DCAF1: variants seen among roughly 807,000 people sequenced by gnomAD.
The protein encoded by DCAF1 is DDB1- and CUL4-associated factor 1.
A neutral mutation model predicts 128.0 loss-of-function variants in DCAF1; 15 were observed. The observed-to-expected ratio is 0.12, with a 90% CI of 0.08 to 0.18. DCAF1 has a LOEUF of 0.18. Ranked by LOEUF, DCAF1 falls within the 10% of genes least tolerant of loss-of-function variation. DCAF1 has a pLI of 1.00. For synonymous variants in DCAF1, 610 were observed against 603.0 expected (o/e 1.01, Z -0.17); for missense variants, 988 against 1,649.5 (o/e 0.60, Z 6.95).
chr3:51,483,303 G>A (rs1706482268), intron 3 of DCAF1, among the ~76,000 whole-genome samples: 2 of 151,706 alleles, frequency 1.3e-5, no homozygotes. Context: ...AGCCGGGCAT[G>A]GTGGTGGGAG....
Position 51,412,924 on chromosome 3 carries a change from T to C in DCAF1, c.4110+69A>G, listed in dbSNP as rs1045797069. Reference sequence around the variant, plus strand: ...TACATCTTATATCAGACAAAATGTCTGTAGTACAACTTGAAAATTATCCTA... The same window carrying C: ...TACATCTTATATCAGACAAAATGTCCGTAGTACAACTTGAAAATTATCCTA... On this transcript the variant is annotated intron_variant, in intron 22 of 24. Transcript: ENST00000684031. 1.3e-5 allele frequency: 21 copies of C among 1,590,012 alleles called. No homozygotes were observed. In the East Asian group the frequency reaches 4.7e-4, roughly 36 times the overall value.
downstream of DCAF1, chr3:51,397,642 A>T (rs538194081): frequency 1.2e-5 from 2 of 166,986 alleles, no homozygotes; most frequent in South Asian, 4.2e-4. Context: ...TACCCTTACA[A>T]AAACAGGCCC....
intron 9 of DCAF1, among the ~76,000 whole-genome samples, chr3:51,435,918 G>A (rs950934575): frequency 2.6e-5 from 4 of 152,138 alleles, no homozygotes; most frequent in South Asian, 2.1e-4. Flanking sequence ...TAAGCAGTTC[G>A]GCAAAGGGAA....
In DCAF1 at chr3:51,413,436, C is replaced by T. The variant is rs782167855; in HGVS notation, c.3932-50G>A. The T allele has an allele frequency of 2.4e-5, 38 of 1,574,054 alleles. No homozygotes were observed. The African/African-American group carries it at 4.7e-4, about 20-fold the overall frequency. ...CACTATTAGGAATCACAAACATCCC[C>T]TCTTCACAAGTGCAGAAAATGTTAA... On this transcript the variant is annotated intron_variant, in intron 20 of 24. Coordinates refer to ENST00000684031, the MANE Select transcript of DCAF1 (RefSeq NM_001387579.1).
rs1553644696 is a variant in DCAF1 at position 51,461,986 on chromosome 3, A to G, written c.375+1128T>C. ...TAAATGTCGAGTTAATGGGTGCAGC[A>G]CACCAACATGGCACATGTATACATA... On this transcript the variant is annotated intron_variant, in intron 6 of 24. Coordinates refer to ENST00000684031, the MANE Select transcript of DCAF1 (RefSeq NM_001387579.1). Among the ~76,000 whole-genome samples, 12 of 152,244 alleles carry G rather than the reference A, an allele frequency of 7.9e-5. 3 individuals carry two copies.
At chr3:51,499,528 G>A (rs187776992) in intron 1 of DCAF1, among the ~76,000 whole-genome samples, 10 of 152,194 alleles carry the variant, frequency 6.6e-5, no homozygotes, top group South Asian at 4.1e-4. Flanking sequence ...AGGATTGGAA[G>A]GAAAAAGAAA....
At chr3:51,494,259 C>T (rs1230560280) in intron 2 of DCAF1, among the ~76,000 whole-genome samples, 1 of 151,552 alleles carries the variant, frequency 6.6e-6, no homozygotes, top group African/African-American at 2.4e-5. Flanking sequence ...GGACTACAGG[C>T]ACCGGCCACC....
chr3:51,483,932 G>GA (rs1444664194), intron 2 of DCAF1, 96 bp from the exon 3 acceptor site: 3 of 859,866 alleles, frequency 3.5e-6, no homozygotes, highest in South Asian at 3.0e-5. Flanking sequence ...GAAGGCAAGA[G>GA]AAAAAATTAA....
downstream of DCAF1, chr3:51,396,990 A>G (rs2089245963): frequency 6.0e-6 from 1 of 167,082 alleles, no homozygotes; most frequent in Non-Finnish European, 1.5e-5. Flanking sequence ...TACCTGTGTG[A>G]CACAGACCCA....
At chr3:51,434,295 A>G (rs1033634713) in intron 9 of DCAF1, among the ~76,000 whole-genome samples, 3 of 152,060 alleles carry the variant, frequency 2.0e-5, no homozygotes, top group Non-Finnish European at 4.4e-5. Flanking sequence ...CCAGTTACTC[A>G]GGACGGTGAG....
chr3:51,494,247 TG>T (rs1707993470), intron 2 of DCAF1, among the ~76,000 whole-genome samples: 1 of 151,218 alleles, frequency 6.6e-6, no homozygotes, highest in Non-Finnish European at 1.5e-5. Context: ...CCCGAGTAGC[TG>T]GGACTACAGG....
intron 3 of DCAF1, among the ~76,000 whole-genome samples, chr3:51,477,320 A>G (rs1481883277): frequency 2.0e-5 from 3 of 151,916 alleles, no homozygotes; most frequent in African/African-American, 4.8e-5. Flanking sequence ...GAGTGAAGAA[A>G]AAAAAAAAAC....
rs1249010636 is a variant in DCAF1 at position 51,417,528 on chromosome 3, G to A, written c.3518+588C>T. Among the ~76,000 whole-genome samples the A allele has an allele frequency of 2.0e-5, 3 of 152,056 alleles. No homozygotes were observed. In the East Asian group the frequency reaches 5.8e-4, roughly 29 times the overall value. On this transcript the variant is annotated intron_variant, in intron 17 of 24. Coordinates refer to ENST00000684031, the MANE Select transcript of DCAF1 (RefSeq NM_001387579.1). ...AAGGTCAGGAGATCAACACCATCCT[G>A]GCTAACACAGTGAAACGCTGTCTCT...
intron 6 of DCAF1, among the ~76,000 whole-genome samples, chr3:51,449,658 T>TG (rs1181693980): frequency 6.6e-6 from 1 of 151,234 alleles, no homozygotes; most frequent in African/African-American, 2.4e-5. Context: ...AAGATTATAG[T>TG]GGGGAAAAAT....
chr3:51,477,600 C>A (rs945898233), intron 3 of DCAF1, among the ~76,000 whole-genome samples: 6 of 151,938 alleles, frequency 3.9e-5, no homozygotes, highest in Admixed American at 1.3e-4. Flanking sequence ...GTACTCCAGC[C>A]TTGGGGGGAA....
intron 5 of DCAF1, among the ~76,000 whole-genome samples, chr3:51,463,472 C>T (rs960560700): frequency 7.9e-5 from 12 of 152,222 alleles, no homozygotes; most frequent in African/African-American, 2.9e-4. Context: ...CCCAAAACAA[C>T]TCAGCAATCA....
Position 51,420,517 on chromosome 3 carries a change from C to T in DCAF1, c.2453G>A (p.Gly818Glu). The T allele has an allele frequency of 6.2e-7, 1 of 1,613,934 alleles. No individual in the cohort carries two copies. ...YAAELIERVS[G>E]KPLLIGTDVS... ...ATCAGTGCCAATGAGAAGTGGTTTT[C>T]CTGACACCCGTTCAATGAGTTCAGC... is the stretch of plus-strand genomic sequence containing the variant. The change falls in exon 15 of 25, where the codon GGA becomes GAA. Residue 818 changes from glycine to glutamate, a missense_variant. By Grantham distance (98) the Gly-to-Glu change is moderately conservative (BLOSUM62 -2). Coordinates refer to ENST00000684031, the MANE Select transcript of DCAF1 (RefSeq NM_001387579.1). This position sits in a 1 kb window ranked among gnomAD's most constrained non-coding sequence, Gnocchi z 6.5.
chr3:51,418,671 C>CT lies in DCAF1; in HGVS notation c.3435+6_3435+7insA. 1 of 1,607,370 alleles carries CT rather than the reference C, an allele frequency of 6.2e-7. No individual in the cohort carries two copies. Among genetic ancestry groups the CT allele is most frequent in the East Asian group, 2.2e-5 (1 of 44,764 alleles). The stretch of plus-strand genomic sequence containing the variant: ...TGACTGAGAGCATCCTAGGAAGGAA[C>CT]CCTTACCCTGGAAGGTTCAAGATGT... On this transcript the variant is annotated splice_region_variant and intron_variant, in intron 16 of 24. Coordinates refer to ENST00000684031, the MANE Select transcript of DCAF1 (RefSeq NM_001387579.1).
intron 5 of DCAF1, among the ~76,000 whole-genome samples, chr3:51,464,563 G>T (rs1703937223): frequency 6.6e-6 from 1 of 152,018 alleles, no homozygotes; most frequent in South Asian, 2.1e-4. Context: ...AGGCATGGTG[G>T]CACATGCCTG....
Sources: gnomAD v4.1 joint callset for allele counts (sites outside exome capture counted in the v4.1 genomes callset) on GRCh38, gnomAD v4.1.1 for gene constraint, Gnocchi (gnomAD v3.1) non-coding constraint, MANE v1.5 for transcripts, NCBI Gene and HGNC (gene_info 2026-07-23, HGNC 2026-07-21) for gene names.